The following CAB39 variants were observed in gnomAD, a reference collection of about 807,000 sequenced individuals.
The protein encoded by CAB39 is calcium binding protein 39.
Under a neutral mutation model 40.0 loss-of-function variants are expected in CAB39, and 8 were observed. The observed-to-expected ratio is 0.20, with a 90% confidence interval of 0.12 to 0.36. The LOEUF is 0.36. Among genes scored for constraint, CAB39 ranks in the 10% least tolerant of loss-of-function variants. The pLI, the probability that CAB39 is intolerant of heterozygous loss-of-function variation, is 1.00. For missense variants in CAB39, 270 were observed against 401.1 expected, an observed-to-expected ratio of 0.67 and a Z score of 2.79; for synonymous variants, 156 against 141.6, an observed-to-expected ratio of 1.10 and a Z score of -0.72.
chr2:230,758,260 G>A lies in CAB39; in HGVS notation c.-43-1699G>A, dbSNP rs144661607. 8.9e-4 allele frequency among the ~76,000 whole-genome samples: 130 copies of A among 145,296 alleles called. 2 individuals carry two copies. In the East Asian group the frequency reaches 0.022, roughly 24 times the overall value. On this transcript the variant is annotated intron_variant, in intron 1 of 8. Transcript: ENST00000258418. ...GGAGATTACAGTGAGCCAAGATTGC[G>A]CTGCTGCACTCCAACCTGGGTGACA...
intron 4 of CAB39, among the ~76,000 whole-genome samples, chr2:230,794,305 T>C (rs1379454076): frequency 6.6e-6 from 1 of 152,190 alleles, no homozygotes; most frequent in Non-Finnish European, 1.5e-5. Context: ...TCTGTGTTAC[T>C]TCTTCAGATT....
intron 2 of CAB39, among the ~76,000 whole-genome samples, chr2:230,789,422 GGT>G (rs1357750318): frequency 6.6e-6 from 1 of 152,106 alleles, no homozygotes; most frequent in Non-Finnish European, 1.5e-5. Context: ...TTCCGGTTTT[GGT>G]CCTTTCCAGG....
At chr2:230,805,322 CA>C (rs1696171942) in intron 5 of CAB39, among the ~76,000 whole-genome samples, 1 of 151,598 alleles carries the variant, frequency 6.6e-6, no homozygotes, top group African/African-American at 2.4e-5. Context: ...ATGGGTGCAG[CA>C]AACCAACATG....
At chr2:230,715,861 C>A (rs571994678) in intron 1 of CAB39, among the ~76,000 whole-genome samples, 1 of 152,146 alleles carries the variant, frequency 6.6e-6, no homozygotes, top group Non-Finnish European at 1.5e-5. Context: ...CCATCACATC[C>A]GGCTAATTTT....
chr2:230,739,700 G>C (rs970507938), intron 1 of CAB39, among the ~76,000 whole-genome samples: 1 of 152,148 alleles, frequency 6.6e-6, no homozygotes, highest in Admixed American at 6.5e-5. Context: ...CTGCATGTTG[G>C]TCAGGCTGGT....
intron 1 of CAB39, among the ~76,000 whole-genome samples, chr2:230,727,401 T>TGTGTGTG (rs1491396666): frequency 2.1e-5 from 3 of 144,244 alleles, no homozygotes; most frequent in African/African-American, 7.8e-5. Context: ...TGTGTGTGTA[T>TGTGTGTG]TTTTTTTTCT....
At chr2:230,729,246 T>A (rs1694642870) in intron 1 of CAB39, among the ~76,000 whole-genome samples, 1 of 152,198 alleles carries the variant, frequency 6.6e-6, no homozygotes, top group Non-Finnish European at 1.5e-5. Flanking sequence ...GATAGCAGTG[T>A]TAAACAGTTC....
chr2:230,750,227 A>G (rs1459957197), intron 1 of CAB39, among the ~76,000 whole-genome samples: 1 of 152,208 alleles, frequency 6.6e-6, no homozygotes, highest in Non-Finnish European at 1.5e-5. Context: ...AGATATCTTT[A>G]AGAGGTGATT....
At chr2:230,780,664 C>T (rs985582177) in intron 2 of CAB39, among the ~76,000 whole-genome samples, 1 of 152,178 alleles carries the variant, frequency 6.6e-6, no homozygotes, top group African/African-American at 2.4e-5. Flanking sequence ...AAGTGAAGTA[C>T]CCTTTTCATT....
At chr2:230,742,668 A>G (rs962991950) in intron 1 of CAB39, among the ~76,000 whole-genome samples, 1 of 152,196 alleles carries the variant, frequency 6.6e-6, no homozygotes, top group South Asian at 2.1e-4. Flanking sequence ...CTAATGGGCA[A>G]TAGAGATGTA....
At chr2:230,723,325 T>G (rs572969235) in intron 1 of CAB39, among the ~76,000 whole-genome samples, 1 of 152,250 alleles carries the variant, frequency 6.6e-6, no homozygotes, top group Admixed American at 6.5e-5. Flanking sequence ...CTTTTTTTTT[T>G]TCTTTCTGGT....
At chr2:230,776,500 T>C (rs1341161976) in intron 2 of CAB39, among the ~76,000 whole-genome samples, 2 of 152,212 alleles carry the variant, frequency 1.3e-5, no homozygotes, top group African/African-American at 2.4e-5. Context: ...GTTCTCCAAG[T>C]CTATACATTT....
intron 5 of CAB39, among the ~76,000 whole-genome samples, chr2:230,808,555 T>C (rs940015035): frequency 6.6e-6 from 1 of 152,240 alleles, no homozygotes; most frequent in African/African-American, 2.4e-5. Flanking sequence ...GGAAATTCTC[T>C]TACCACTTTC....
chr2:230,721,549 A>T (rs779265999), intron 1 of CAB39, among the ~76,000 whole-genome samples: 1 of 152,236 alleles, frequency 6.6e-6, no homozygotes, highest in Non-Finnish European at 1.5e-5. Context: ...AGTGATTTAC[A>T]TACCATGATA....
chr2:230,755,845 T>C (rs954579370), intron 1 of CAB39, among the ~76,000 whole-genome samples: 1 of 152,184 alleles, frequency 6.6e-6, no homozygotes, highest in African/African-American at 2.4e-5. Flanking sequence ...AGGTGGATTG[T>C]TATGGTGAAA....
At chr2:230,722,669 G>A (rs1367139735) in intron 1 of CAB39, among the ~76,000 whole-genome samples, 2 of 152,214 alleles carry the variant, frequency 1.3e-5, no homozygotes, top group African/African-American at 2.4e-5. Context: ...GCCATGCATA[G>A]CGTGTCTGAT....
chr2:230,756,673 A>G (rs71415765), intron 1 of CAB39, among the ~76,000 whole-genome samples: 9,315 of 112,264 alleles, frequency 0.083, 408 homozygotes, highest in Admixed American at 0.099. Context: ...TTATTTATTT[A>G]TTTATTTATT....
chr2:230,747,410 C>T (rs1255691694), intron 1 of CAB39, among the ~76,000 whole-genome samples: 1 of 152,206 alleles, frequency 6.6e-6, no homozygotes, highest in African/African-American at 2.4e-5. Flanking sequence ...GAACTGTTTC[C>T]TCTGTAGATA....
intron 4 of CAB39, among the ~76,000 whole-genome samples, chr2:230,798,301 C>A (rs994612150): frequency 6.6e-6 from 1 of 152,080 alleles, no homozygotes; most frequent in African/African-American, 2.4e-5. Flanking sequence ...GTTTGTAGAC[C>A]TATTTAGATA....
Sources: gnomAD v4.1 joint callset for allele counts (sites outside exome capture counted in the v4.1 genomes callset) on GRCh38, gnomAD v4.1.1 for gene constraint, MANE v1.5 for transcripts, NCBI Gene and HGNC (gene_info 2026-07-23, HGNC 2026-07-21) for gene names.